GRM8: variants seen among roughly 807,000 people sequenced by gnomAD.
GRM8 encodes metabotropic glutamate receptor 8.
In GRM8, 47 loss-of-function variants were observed where a neutral mutation model predicts 87.2. The observed-to-expected ratio is 0.54, with a 90% CI of 0.43 to 0.69. The LOEUF (loss-of-function observed/expected upper bound fraction) is 0.69, where lower values mean the gene tolerates loss of function less well. Among genes scored for constraint, GRM8 ranks in the 30% least tolerant of loss-of-function variants. The pLI is 0.00. For missense variants in GRM8, 1,019 were observed against 1,139.2 expected, an observed-to-expected ratio of 0.89 and a Z score of 1.52; for synonymous variants, 396 against 404.5, an observed-to-expected ratio of 0.98 and a Z score of 0.25.
intron 9 of GRM8, among the ~76,000 whole-genome samples, chr7:126,467,137 C>T (rs537122065): frequency 6.6e-6 from 1 of 151,894 alleles, no homozygotes; most frequent in Non-Finnish European, 1.5e-5. Flanking sequence ...AATGCTATCC[C>T]TCTCCTAGCC....
intron 8 of GRM8, among the ~76,000 whole-genome samples, chr7:126,555,732 T>C (rs1351809483): frequency 2.0e-5 from 3 of 152,254 alleles, no homozygotes. Flanking sequence ...AGCTCAGTTT[T>C]CTATTCAGTG....
At chr7:127,034,589 T>C (rs553241235) in intron 3 of GRM8, among the ~76,000 whole-genome samples, 1 of 152,290 alleles carries the variant, frequency 6.6e-6, no homozygotes, top group South Asian at 2.1e-4. Context: ...TTTGTGCTTG[T>C]TGTTGACTCA....
chr7:126,580,801 C>T (rs564940284), intron 8 of GRM8, among the ~76,000 whole-genome samples: 1 of 152,022 alleles, frequency 6.6e-6, no homozygotes, highest in African/African-American at 2.4e-5. Flanking sequence ...TGGAAGCCAA[C>T]ATTTCTCAAA....
intron 7 of GRM8, among the ~76,000 whole-genome samples, chr7:126,630,352 A>G (rs1393776643): frequency 6.6e-6 from 1 of 152,140 alleles, no homozygotes; most frequent in East Asian, 1.9e-4. Context: ...CCCTGACTAG[A>G]CCAATAACAA....
At chr7:126,763,440 T>A (rs1282417426) in intron 7 of GRM8, among the ~76,000 whole-genome samples, 1 of 87,570 alleles carries the variant, frequency 1.1e-5, no homozygotes, top group Non-Finnish European at 2.2e-5. Flanking sequence ...ATATGATAAA[T>A]TCATATATAT....
chr7:126,477,199 T>C (rs892509725), intron 9 of GRM8, among the ~76,000 whole-genome samples: 3 of 152,088 alleles, frequency 2.0e-5, no homozygotes, highest in African/African-American at 7.2e-5. Flanking sequence ...GTTGAACTTA[T>C]AGAAGCAGAG....
At chr7:127,248,689 A>G (rs1027289520) in intron 1 of GRM8, among the ~76,000 whole-genome samples, 3 of 152,214 alleles carry the variant, frequency 2.0e-5, no homozygotes, top group African/African-American at 7.2e-5. Context: ...ATAAGAATGC[A>G]CAGGGATACT....
intron 2 of GRM8, among the ~76,000 whole-genome samples, chr7:127,231,789 T>C (rs763688580): frequency 6.6e-6 from 1 of 152,126 alleles, no homozygotes; most frequent in Non-Finnish European, 1.5e-5. Flanking sequence ...CCCCTGGGGT[T>C]ATTCAGCTGT....
chr7:126,975,853 C>T (rs1307847142), intron 3 of GRM8, among the ~76,000 whole-genome samples: 1 of 152,180 alleles, frequency 6.6e-6, no homozygotes, highest in African/African-American at 2.4e-5. Flanking sequence ...GCTGTTTTTA[C>T]AAACTTTCAA....
chr7:126,943,148 C>G (rs1236262447), intron 3 of GRM8, among the ~76,000 whole-genome samples: 1 of 152,044 alleles, frequency 6.6e-6, no homozygotes, highest in African/African-American at 2.4e-5. Flanking sequence ...AATCCTGGAC[C>G]CCATGAAACT....
At chr7:127,128,498 C>T (rs1180607937) in intron 2 of GRM8, among the ~76,000 whole-genome samples, 6 of 152,130 alleles carry the variant, frequency 3.9e-5, no homozygotes, top group Non-Finnish European at 8.8e-5. Flanking sequence ...TTACCACTCA[C>T]TCTTACCAAA....
intron 3 of GRM8, among the ~76,000 whole-genome samples, chr7:127,038,804 T>A (rs1818089277): frequency 6.6e-6 from 1 of 152,272 alleles, no homozygotes; most frequent in African/African-American, 2.4e-5. Context: ...TTGAACCTAA[T>A]AGAACAATGG....
At position 126,742,211 on chromosome 7, in the gene GRM8, T is replaced by C. The variant is rs186005788; in HGVS notation, c.1357+27654A>G. On this transcript the variant is annotated intron_variant, in intron 7 of 10. Coordinates refer to ENST00000339582, the MANE Select transcript of GRM8 (RefSeq NM_000845.3). ...TGTTCCAGGGTCAACTGTATTATTATTATGATTGTTGCAGTAATTAAATTA... is the reference window on the plus strand; with the variant it reads ...TGTTCCAGGGTCAACTGTATTATTACTATGATTGTTGCAGTAATTAAATTA... Among the ~76,000 whole-genome samples, 508 of 152,226 alleles carry C rather than the reference T, an allele frequency of 3.3e-3. 2 individuals carry two copies. Among genetic ancestry groups the C allele is most frequent in the Non-Finnish European group, 5.2e-3 (357 of 68,010 alleles).
intron 7 of GRM8, among the ~76,000 whole-genome samples, chr7:126,751,709 GAACA>G (rs1816435058): frequency 1.3e-5 from 2 of 152,130 alleles, no homozygotes. Flanking sequence ...TCATAAACTA[GAACA>G]GACAATAGGG....
intron 6 of GRM8, among the ~76,000 whole-genome samples, chr7:126,773,158 G>A (rs1262073338): frequency 6.6e-6 from 1 of 152,008 alleles, no homozygotes; most frequent in Non-Finnish European, 1.5e-5. Context: ...TTGTATTGCT[G>A]CTCTCTAAAC....
At chr7:127,032,318 C>A (rs1817455955) in intron 3 of GRM8, among the ~76,000 whole-genome samples, 2 of 152,124 alleles carry the variant, frequency 1.3e-5, no homozygotes, top group Non-Finnish European at 2.9e-5. Flanking sequence ...CTGTGCATTG[C>A]TATTTCCCTC....
chr7:127,162,308 A>G (rs770850641), intron 2 of GRM8, among the ~76,000 whole-genome samples: 34 of 152,318 alleles, frequency 2.2e-4, no homozygotes, highest in Non-Finnish European at 3.7e-4. Flanking sequence ...AGAAGGCACC[A>G]GTGAAAAGAC....
At chr7:126,569,388 CAT>C (rs1288618432) in intron 8 of GRM8, among the ~76,000 whole-genome samples, 2 of 152,190 alleles carry the variant, frequency 1.3e-5, no homozygotes, top group Non-Finnish European at 1.5e-5. Flanking sequence ...CATGTATCCA[CAT>C]GTTTGTTCCC....
intron 3 of GRM8, among the ~76,000 whole-genome samples, chr7:126,970,139 C>T (rs528286517): frequency 6.6e-6 from 1 of 152,122 alleles, no homozygotes; most frequent in Admixed American, 6.5e-5. Context: ...TCTTAAGGGC[C>T]CTAGGGTTTT....
Sources: allele counts gnomAD v4.1 joint callset (sites outside exome capture counted in the v4.1 genomes callset), GRCh38; gene constraint gnomAD v4.1.1; transcripts MANE v1.5; gene names NCBI Gene and HGNC (gene_info 2026-07-23, HGNC 2026-07-21).